Variants in CNBD1 observed in about 807,000 individuals in gnomAD.
CNBD1 encodes the protein cyclic nucleotide-binding domain-containing protein 1.
In CNBD1, 71 loss-of-function variants were observed where a neutral mutation model predicts 54.4. The observed-to-expected ratio is 1.30, with a 90% CI of 1.08 to 1.59. The LOEUF (loss-of-function observed/expected upper bound fraction) is 1.59. CNBD1 is among the 40% of genes most tolerant of loss of function. The pLI is 0.00. For missense variants in CNBD1, 659 were observed against 518.0 expected (o/e 1.27, Z -2.64); for synonymous variants, 182 against 170.7 (o/e 1.07, Z -0.51).
At chr8:86,866,795 T>G (rs1355334758) in intron 1 of CNBD1, among the ~76,000 whole-genome samples, 1 of 152,196 alleles carries the variant, frequency 6.6e-6, no homozygotes, top group East Asian at 1.9e-4. Flanking sequence ...ATTTTTTCTC[T>G]GTAAAATGAG....
At chr8:87,227,670 A>G (rs1300453103) in intron 5 of CNBD1, among the ~76,000 whole-genome samples, 13 of 143,328 alleles carry the variant, frequency 9.1e-5, no homozygotes, top group Admixed American at 7.0e-5. Context: ...GGCTGCCCTT[A>G]ACATTTTTTC....
intron 10 of CNBD1, among the ~76,000 whole-genome samples, chr8:87,365,784 T>A (rs1810630321): frequency 6.6e-6 from 1 of 152,048 alleles, no homozygotes; most frequent in Admixed American, 6.6e-5. Flanking sequence ...TAAAATATAA[T>A]CAGAAGCAAT....
rs566630330 is a variant in CNBD1, at chr8:87,373,805, G to A, written c.1304-8815G>A. Among the ~76,000 whole-genome samples the A allele has an allele frequency of 1.1e-4, 17 of 151,730 alleles. No individual in the cohort carries two copies. The East Asian group carries it at 2.9e-3, about 26-fold the overall frequency. ...AGGATAAGTTTATATAAAATTTCAG[G>A]CCAAGTTTCTGTGTAAACCTTAAAC... On this transcript the variant is annotated intron_variant, in intron 10 of 10. Transcript: ENST00000518476.
intron 8 of CNBD1, among the ~76,000 whole-genome samples, chr8:87,313,835 G>A (rs997287391): frequency 6.6e-6 from 1 of 151,800 alleles, no homozygotes; most frequent in South Asian, 2.1e-4. Flanking sequence ...ATAAATGACA[G>A]TAAGGAAAAC....
intron 2 of CNBD1, among the ~76,000 whole-genome samples, chr8:87,389,444 T>C (rs950422664): frequency 7.2e-5 from 11 of 152,224 alleles, no homozygotes; most frequent in African/African-American, 2.2e-4. Context: ...ACAAGCATTC[T>C]TATACACCAA....
chr8:87,280,090 C>A (rs73280335), intron 6 of CNBD1, among the ~76,000 whole-genome samples: 1 of 151,658 alleles, frequency 6.6e-6, no homozygotes, highest in African/African-American at 2.4e-5. Flanking sequence ...CAATGGAATG[C>A]GTTAGGTCCC....
intron 4 of CNBD1, among the ~76,000 whole-genome samples, chr8:86,967,683 C>CA (rs1808117100): frequency 6.6e-6 from 1 of 152,188 alleles, no homozygotes; most frequent in Admixed American, 6.5e-5. Context: ...TCTGTTCTTG[C>CA]ATGTTGCCTA....
chr8:86,908,834 C>T (rs1273139173), intron 3 of CNBD1, among the ~76,000 whole-genome samples: 4 of 139,104 alleles, frequency 2.9e-5, no homozygotes, highest in East Asian at 2.1e-4. Context: ...GGCCTGATCT[C>T]GGCTCACTGC....
chr8:87,229,868 A>G (rs1814629734), intron 5 of CNBD1, among the ~76,000 whole-genome samples: 2 of 152,246 alleles, frequency 1.3e-5, no homozygotes, highest in African/African-American at 2.4e-5. Context: ...ATTTAAGGAA[A>G]TAATTGAGGG....
At chr8:87,390,706 A>G (rs113702824) in intron 2 of CNBD1, among the ~76,000 whole-genome samples, 2,832 of 152,224 alleles carry the variant, frequency 0.019, 92 homozygotes, top group African/African-American at 0.062. Context: ...ATCTAGAACT[A>G]GAAATACCAT....
rs528041861 is a variant in CNBD1, at chr8:87,273,243, T to C, written c.772-11435T>C. On this transcript the variant is annotated intron_variant, in intron 6 of 10. Coordinates refer to ENST00000518476, the MANE Select transcript of CNBD1 (RefSeq NM_173538.3). ...TAATTGGTTTAATTTTTAAAATATATATCTGGTTGAATTAAATATTCAATA... is the reference window on the plus strand; with the variant it reads ...TAATTGGTTTAATTTTTAAAATATACATCTGGTTGAATTAAATATTCAATA... Among the ~76,000 whole-genome samples, 4 of 152,100 alleles carry C rather than the reference T, an allele frequency of 2.6e-5. No individual in the cohort carries two copies. The East Asian group carries it at 7.7e-4, about 29-fold the overall frequency.
intron 5 of CNBD1, among the ~76,000 whole-genome samples, chr8:87,219,823 T>A (rs951400739): frequency 6.6e-6 from 1 of 152,020 alleles, no homozygotes; most frequent in African/African-American, 2.4e-5. Flanking sequence ...CTTACGGGAA[T>A]AATAAGAGTT....
chr8:86,925,758 A>G (rs1228633745), intron 3 of CNBD1, among the ~76,000 whole-genome samples: 3 of 147,300 alleles, frequency 2.0e-5, no homozygotes, highest in Non-Finnish European at 3.0e-5. Flanking sequence ...AGAATTAGCC[A>G]GGTGTGGTAG....
intron 8 of CNBD1, among the ~76,000 whole-genome samples, chr8:87,318,491 G>A (rs929368895): frequency 1.3e-5 from 2 of 152,032 alleles, no homozygotes; most frequent in Admixed American, 6.6e-5. Flanking sequence ...TACACCATAC[G>A]TTTTGAAGGA....
intron 10 of CNBD1, among the ~76,000 whole-genome samples, chr8:87,373,231 C>A (rs1372767465): frequency 2.0e-5 from 3 of 151,682 alleles, no homozygotes; most frequent in Non-Finnish European, 2.9e-5. Flanking sequence ...TGATTAATGA[C>A]CAATGATACT....
chr8:87,225,151 A>G (rs1274331899), intron 5 of CNBD1, among the ~76,000 whole-genome samples: 10 of 149,850 alleles, frequency 6.7e-5, no homozygotes, highest in South Asian at 4.3e-4. Flanking sequence ...GGGCTGAGAC[A>G]ATGGGGTTTT....
intron 4 of CNBD1, among the ~76,000 whole-genome samples, chr8:87,047,182 C>G (rs1810213991): frequency 6.6e-6 from 1 of 152,116 alleles, no homozygotes; most frequent in Non-Finnish European, 1.5e-5. Flanking sequence ...GCTTTCAAAG[C>G]AGAGGGAGGC....
rs372925886 is a variant in CNBD1 at position 86,880,322 on chromosome 8, C to A, written c.89-7220C>A. Among the ~76,000 whole-genome samples, 3 of 139,278 alleles carry A rather than the reference C, an allele frequency of 2.2e-5. No individual in the cohort carries two copies. The East Asian group carries it at 6.6e-4, about 30-fold the overall frequency. The allele number at this position is 139,278 out of a possible 152,430, so 91.4% of individuals were successfully genotyped here. ...TGTGCAGACTCAACCAACTTGGGATCGAACATATTAGAAAAAATAAAAAAA... is the reference window on the plus strand; with the variant it reads ...TGTGCAGACTCAACCAACTTGGGATAGAACATATTAGAAAAAATAAAAAAA... On this transcript the variant is annotated intron_variant, in intron 1 of 10. Transcript: ENST00000518476.
intron 4 of CNBD1, among the ~76,000 whole-genome samples, chr8:87,009,220 CTT>C (rs1395457242): frequency 1.3e-5 from 2 of 152,106 alleles, no homozygotes; most frequent in East Asian, 3.8e-4. Flanking sequence ...TTTCAATTCT[CTT>C]TGCCTTCTGC....
Sources: allele counts gnomAD v4.1 joint callset (sites outside exome capture counted in the v4.1 genomes callset), GRCh38; gene constraint gnomAD v4.1.1; transcripts MANE v1.5; gene names NCBI Gene and HGNC (gene_info 2026-07-23, HGNC 2026-07-21).